AGAP1: variants seen among roughly 807,000 people sequenced by gnomAD.
AGAP1 encodes arf-GAP with GTPase, ANK repeat and PH domain-containing protein 1.
A neutral mutation model predicts 105.3 loss-of-function variants in AGAP1; 29 were observed. The observed-to-expected ratio is 0.28, with a 90% CI of 0.21 to 0.38. The LOEUF is 0.38. AGAP1 is among the 10% of genes least tolerant of loss of function. The pLI is 1.00. For synonymous variants in AGAP1, 509 were observed against 485.9 expected, an observed-to-expected ratio of 1.05 and a Z score of -0.63; for missense variants, 998 against 1,165.1, an observed-to-expected ratio of 0.86 and a Z score of 2.09.
chr2:235,571,690 T>C (rs959354525), intron 1 of AGAP1, among the ~76,000 whole-genome samples: 1 of 152,088 alleles, frequency 6.6e-6, no homozygotes, highest in Admixed American at 6.5e-5. Flanking sequence ...ACCTGGGATA[T>C]GGCTTGCTGA....
In AGAP1 at chr2:235,642,566, A is replaced by G. The variant is rs1381121006; in HGVS notation, c.164-66613A>G. Among the ~76,000 whole-genome samples the G allele has an allele frequency of 3.9e-5, 6 of 152,120 alleles. No individual in the cohort carries two copies. The highest frequency in any genetic ancestry group is 8.8e-5 in the Non-Finnish European group (6 of 68,040). On this transcript the variant is annotated intron_variant, in intron 1 of 17. Coordinates refer to ENST00000304032, the MANE Select transcript of AGAP1 (RefSeq NM_001037131.3). This position sits in a 1 kb window ranked among gnomAD's most constrained non-coding sequence, Gnocchi z 4.1. ...ACTTGTCCTAACAGCTGTCGGGACC[A>G]TCATCCACCAGGGGCCAGCTGTCCA...
chr2:235,931,050 C>T lies in AGAP1; in HGVS notation c.1483+127C>T. On this transcript the variant is annotated intron_variant, in intron 12 of 17. Coordinates refer to ENST00000304032, the MANE Select transcript of AGAP1 (RefSeq NM_001037131.3). This position sits in a 1 kb window ranked among gnomAD's most constrained non-coding sequence, Gnocchi z 5.6. ...AGCGCAGCACCCTGTGGGGCGGCTGCATCAGAGACTCACATCTTGCCTTTC... is the reference window on the plus strand; with the variant it reads ...AGCGCAGCACCCTGTGGGGCGGCTGTATCAGAGACTCACATCTTGCCTTTC... The T allele has an allele frequency of 9.3e-7, 1 of 1,071,812 alleles. No homozygotes were observed. The highest frequency in any genetic ancestry group is 2.8e-5 in the East Asian group (1 of 36,282). 66.4% of individuals were successfully genotyped at this position (1,071,812 alleles called of 1,614,324 possible).
chr2:236,022,196 C>A (rs759438050), intron 13 of AGAP1, among the ~76,000 whole-genome samples: 1 of 152,002 alleles, frequency 6.6e-6, no homozygotes, highest in Admixed American at 6.6e-5. Context: ...TAAAAATGTC[C>A]TTTGTATGTC....
chr2:235,765,715 G>A (rs769573283), intron 6 of AGAP1, among the ~76,000 whole-genome samples: 1 of 152,194 alleles, frequency 6.6e-6, no homozygotes, highest in Non-Finnish European at 1.5e-5. Context: ...CCATAGTTCA[G>A]AGTGAATCTT....
At chr2:235,592,520 C>T (rs372305199) in intron 1 of AGAP1, among the ~76,000 whole-genome samples, 6 of 152,110 alleles carry the variant, frequency 3.9e-5, no homozygotes, top group Non-Finnish European at 8.8e-5. Flanking sequence ...TCCGGGCTTG[C>T]GGCTTGTGGC....
chr2:235,918,142 C>G (rs1323473057), intron 11 of AGAP1, among the ~76,000 whole-genome samples: 1 of 152,184 alleles, frequency 6.6e-6, no homozygotes, highest in Non-Finnish European at 1.5e-5. Flanking sequence ...ATCCTTGCTT[C>G]CCACTCATGT....
chr2:235,930,843 T>C lies in AGAP1; in HGVS notation c.1403T>C (p.Met468Thr), dbSNP rs757910520. The change falls in exon 12 of 18, where the codon ATG becomes ACG. Residue 468 changes from methionine to threonine, a missense_variant. Physicochemically the swap from Met to Thr is moderately conservative, Grantham distance 81. Transcript: ENST00000304032. The surrounding 1 kb of genome is among the most constrained non-coding windows in gnomAD (Gnocchi z 7.9). ...TCCTTCAACAGCCGACCCGACGGCA[T>C]GCACCAGCGCTCCTACTCAGTCTCC... is the stretch of plus-strand genomic sequence containing the variant. ...LVSFNSRPDG[M>T]HQRSYSVSSA... 2.5e-6 allele frequency: 4 copies of C among 1,614,160 alleles called. No homozygotes were observed. The highest frequency in any genetic ancestry group is 1.7e-6 in the Non-Finnish European group (2 of 1,180,024).
At chr2:235,605,322 A>T (rs979623465) in intron 1 of AGAP1, among the ~76,000 whole-genome samples, 8 of 152,204 alleles carry the variant, frequency 5.3e-5, no homozygotes, top group Non-Finnish European at 1.0e-4. Flanking sequence ...GTTGTTCTTA[A>T]TTATCCCCAT....
chr2:236,062,334 C>T lies in AGAP1; in HGVS notation c.2114+13053C>T, dbSNP rs1004933206. On this transcript the variant is annotated intron_variant, in intron 16 of 17. Transcript: ENST00000304032. The surrounding 1 kb of genome is among the most constrained non-coding windows in gnomAD (Gnocchi z 4.2). Reference sequence around the variant, plus strand: ...TGAATGCAGGACGGGCCAGAACCCACCCCAGATCTGACCTCCCTAGAGGAA... The same window carrying T: ...TGAATGCAGGACGGGCCAGAACCCATCCCAGATCTGACCTCCCTAGAGGAA... 6.6e-6 allele frequency among the ~76,000 whole-genome samples: 1 copy of T among 152,060 alleles called. No individual in the cohort carries two copies. Among genetic ancestry groups the T allele is most frequent in the African/African-American group, 2.4e-5 (1 of 41,402 alleles).
chr2:236,112,847 G>A (rs2059684015), intron 16 of AGAP1, among the ~76,000 whole-genome samples: 1 of 152,266 alleles, frequency 6.6e-6, no homozygotes, highest in South Asian at 2.1e-4. Flanking sequence ...ATGGCCCCAG[G>A]CCTGTCCTGA....
intron 13 of AGAP1, among the ~76,000 whole-genome samples, chr2:235,969,638 G>T (rs934825159): frequency 5.3e-5 from 8 of 152,190 alleles, no homozygotes; most frequent in African/African-American, 1.7e-4. Context: ...TACATTAGAG[G>T]GAGTGGCCCA....
At chr2:235,637,953 AGTGGATTGG>A (rs1302189475) in intron 1 of AGAP1, among the ~76,000 whole-genome samples, 3 of 152,080 alleles carry the variant, frequency 2.0e-5, no homozygotes, top group Non-Finnish European at 2.9e-5. Context: ...TTGGGTCCTC[AGTGGATTGG>A]GTGATGCCCT....
chr2:235,855,130 G>T lies in AGAP1; in HGVS notation c.1051-28215G>T, dbSNP rs1208477592. Among the ~76,000 whole-genome samples the T allele has an allele frequency of 6.6e-6, 1 of 152,230 alleles. No individual in the cohort carries two copies. Among genetic ancestry groups the T allele is most frequent in the Admixed American group, 6.5e-5 (1 of 15,282 alleles). On this transcript the variant is annotated intron_variant, in intron 9 of 17. Coordinates refer to ENST00000304032, the MANE Select transcript of AGAP1 (RefSeq NM_001037131.3). The surrounding 1 kb of genome is among the most constrained non-coding windows in gnomAD (Gnocchi z 5.0). ...GGTTTAAAGGCAAAAAAAGCTGAAG[G>T]TATTTGTCTGTGATGTTCAACAAAC...
intron 16 of AGAP1, among the ~76,000 whole-genome samples, chr2:236,111,765 C>T (rs2059649170): frequency 6.8e-6 from 1 of 148,006 alleles, no homozygotes; most frequent in Non-Finnish European, 1.5e-5. Context: ...GCGCTCCAGC[C>T]TAGGCAACAG....
chr2:235,975,586 C>T (rs115558036), intron 13 of AGAP1, among the ~76,000 whole-genome samples: 3,835 of 152,244 alleles, frequency 0.025, 86 homozygotes, highest in South Asian at 0.11. Flanking sequence ...TTAGTGTGCA[C>T]ATGACGGTGA....
Position 236,124,027 on chromosome 2 carries a change from C to T in AGAP1, c.2479C>T (p.Pro827Ser), listed in dbSNP as rs140144664. The T allele has an allele frequency of 9.4e-5, 151 of 1,614,064 alleles. 1 individual carries two copies. The Middle Eastern group carries it at 4.6e-3, about 49-fold the overall frequency. ...CGACGTGCTGCTGCAGTACGGCTGCCCCGACGAGCGCTTCGTGCTCATGGC... is the reference window on the plus strand; with the variant it reads ...CGACGTGCTGCTGCAGTACGGCTGCTCCGACGAGCGCTTCGTGCTCATGGC... ...CIDVLLQYGC[P>S]DERFVLMATP... is the part of the protein sequence containing the mutation. Residue 827 changes from proline to serine, a missense_variant, in exon 18 of 18, where the codon CCC (proline) becomes TCC (serine). Physicochemically the swap from Pro to Ser is moderately conservative, Grantham distance 74 (BLOSUM62 -1). Transcript: ENST00000304032. The surrounding 1 kb of genome is among the most constrained non-coding windows in gnomAD (Gnocchi z 5.1).
At position 235,908,153 on chromosome 2, in the gene AGAP1, C is replaced by A. The variant is rs534079226; in HGVS notation, c.1156-585C>A. Among the ~76,000 whole-genome samples, 1 of 152,110 alleles carries A rather than the reference C, an allele frequency of 6.6e-6. No homozygotes were observed. The highest frequency in any genetic ancestry group is 1.5e-5 in the Non-Finnish European group (1 of 68,032). ...CTGCCAGAGAGCAGTCACTGTCCAC[C>A]GAGGCTTCCCTGTAGTTCTCTGATT... On this transcript the variant is annotated intron_variant, in intron 10 of 17. Coordinates refer to ENST00000304032, the MANE Select transcript of AGAP1 (RefSeq NM_001037131.3). The surrounding 1 kb of genome is among the most constrained non-coding windows in gnomAD (Gnocchi z 4.4).
In AGAP1 at chr2:235,934,597, T is replaced by C. The variant is rs1351881822; in HGVS notation, c.1483+3674T>C. 6.6e-6 allele frequency among the ~76,000 whole-genome samples: 1 copy of C among 152,190 alleles called. No homozygotes were observed. The highest frequency in any genetic ancestry group is 1.9e-4 in the East Asian group (1 of 5,190). ...ATTCCCTGCAGGGCTTAGAAAATAATCACAGAAGAAACAAACATGATTAAG... is the reference window on the plus strand; with the variant it reads ...ATTCCCTGCAGGGCTTAGAAAATAACCACAGAAGAAACAAACATGATTAAG... On this transcript the variant is annotated intron_variant, in intron 12 of 17. Transcript: ENST00000304032. This position sits in a 1 kb window ranked among gnomAD's most constrained non-coding sequence, Gnocchi z 4.9.
At position 235,777,299 on chromosome 2, in the gene AGAP1, G is replaced by A. The variant is rs376704142; in HGVS notation, c.674-20460G>A. The stretch of plus-strand genomic sequence containing the variant: ...TGGGAGGCGGAGGTTGCAGTGAGCC[G>A]AGATTGCGCCACTGCACTTCAGCCT... On this transcript the variant is annotated intron_variant, in intron 6 of 17. Transcript: ENST00000304032. This position sits in a 1 kb window ranked among gnomAD's most constrained non-coding sequence, Gnocchi z 5.1. Among the ~76,000 whole-genome samples, 1 of 152,296 alleles carries A rather than the reference G, an allele frequency of 6.6e-6. No individual in the cohort carries two copies. The highest frequency in any genetic ancestry group is 1.9e-4 in the East Asian group (1 of 5,176).
Sources: gnomAD v4.1 joint callset for allele counts (sites outside exome capture counted in the v4.1 genomes callset) on GRCh38, gnomAD v4.1.1 for gene constraint, Gnocchi (gnomAD v3.1) non-coding constraint, MANE v1.5 for transcripts, NCBI Gene and HGNC (gene_info 2026-07-23, HGNC 2026-07-21) for gene names.